Variants in FRMD6 observed in about 807,000 individuals in gnomAD.
The protein encoded by FRMD6 is FERM domain containing 6.
A neutral mutation model predicts 73.2 loss-of-function variants in FRMD6; 37 were observed. That is an observed-to-expected ratio of 0.51 (90% CI 0.39 to 0.66). The LOEUF (loss-of-function observed/expected upper bound fraction) is 0.66, where lower values mean the gene tolerates loss of function less well. Ranked by LOEUF, FRMD6 falls within the 30% of genes least tolerant of loss-of-function variation. FRMD6 has a pLI of 0.00. For missense variants in FRMD6, 714 were observed against 780.5 expected (o/e 0.91, Z 1.02); for synonymous variants, 273 against 282.2 (o/e 0.97, Z 0.33).
chr14:51,416,919 G>A, the FRMD6 span, among the ~76,000 whole-genome samples: 2 of 152,024 alleles, frequency 1.3e-5, no homozygotes, highest in African/African-American at 4.8e-5. Flanking sequence ...GGCCTTCTTT[G>A]TCTCTTTTGA....
chr14:51,633,371 G>A (rs1245845879), intron 2 of FRMD6, among the ~76,000 whole-genome samples: 2 of 151,276 alleles, frequency 1.3e-5, no homozygotes, highest in African/African-American at 4.9e-5. Flanking sequence ...GGAGGCCCAG[G>A]TGGGCAAATC....
At chr14:51,412,401 C>T in the FRMD6 span, among the ~76,000 whole-genome samples, 3 of 151,954 alleles carry the variant, frequency 2.0e-5, no homozygotes, top group Non-Finnish European at 4.4e-5. Context: ...GGAGACAGGT[C>T]TATGCCTTTC....
At chr14:51,688,134 T>C (rs1487064260) in intron 1 of FRMD6, among the ~76,000 whole-genome samples, 2 of 151,412 alleles carry the variant, frequency 1.3e-5, no homozygotes, top group Non-Finnish European at 2.9e-5. Context: ...TTTTTCAAGA[T>C]GGATGAGTAG....
chr14:51,618,173 T>G (rs1374923348), intron 2 of FRMD6, among the ~76,000 whole-genome samples: 1 of 152,170 alleles, frequency 6.6e-6, no homozygotes, highest in African/African-American at 2.4e-5. Flanking sequence ...ATTACTTGCC[T>G]TAGTCTGGGT....
Position 51,614,360 on chromosome 14 carries a change from C to T in FRMD6, c.-147+43950C>T, listed in dbSNP as rs10129946. Among the ~76,000 whole-genome samples the T allele has an allele frequency of 2.4e-3, 361 of 152,164 alleles. 4 individuals carry two copies. Among genetic ancestry groups the T allele is most frequent in the African/African-American group, 8.4e-3 (348 of 41,512 alleles). On this transcript the variant is annotated intron_variant, in intron 2 of 14. Transcript: ENST00000356218. ...TTCAATCTTACGAAACAAAGATTGT[C>T]TTTTTGTTTCATAATTCTACAGTGG...
chr14:51,708,779 T>C (rs1286602013), intron 7 of FRMD6, among the ~76,000 whole-genome samples: 1 of 152,110 alleles, frequency 6.6e-6, no homozygotes, highest in Non-Finnish European at 1.5e-5. Context: ...AAACTGAGGC[T>C]TAAAGAGATT....
intron 1 of FRMD6, among the ~76,000 whole-genome samples, chr14:51,685,366 A>G (rs1430950597): frequency 6.6e-6 from 1 of 152,200 alleles, no homozygotes; most frequent in Non-Finnish European, 1.5e-5. Flanking sequence ...CAACTCTATC[A>G]AGTACTCTGG....
chr14:51,664,654 T>C (rs1044752822), intron 1 of FRMD6, among the ~76,000 whole-genome samples: 13 of 152,372 alleles, frequency 8.5e-5, no homozygotes, highest in African/African-American at 3.1e-4. Flanking sequence ...GACTTTCCTT[T>C]GCAGTGGATT....
intron 2 of FRMD6, among the ~76,000 whole-genome samples, chr14:51,691,588 ATTTTTTT>A (rs758677611): frequency 1.3e-4 from 10 of 75,128 alleles, no homozygotes; most frequent in Middle Eastern, 9.1e-3. Context: ...TTTGATTTTG[ATTTTTTT>A]TTTTTTTTTT....
intron 1 of FRMD6, among the ~76,000 whole-genome samples, chr14:51,490,634 G>GTGTGTGTGTGTA (rs1173561944): frequency 2.0e-4 from 30 of 151,924 alleles, no homozygotes; most frequent in African/African-American, 7.0e-4. Flanking sequence ...GTGTGTGTGT[G>GTGTGTGTGTGTA]TATAAAATGC....
At chr14:51,430,422 C>G in the FRMD6 span, among the ~76,000 whole-genome samples, 617 of 152,282 alleles carry the variant, frequency 4.1e-3, 5 homozygotes, top group African/African-American at 0.014. Flanking sequence ...ATCTAACCCA[C>G]TGCTGTTAAC....
At chr14:51,711,738 A>G in intron 8 of FRMD6, 142 bp downstream of exon 8, 1 of 569,834 alleles carries the variant, frequency 1.8e-6, no homozygotes, top group Non-Finnish European at 3.2e-6. Flanking sequence ...ACAGATGTGG[A>G]TGATGTAGGA....
intron 7 of FRMD6, among the ~76,000 whole-genome samples, chr14:51,710,126 C>T (rs1208502701): frequency 6.6e-6 from 1 of 152,126 alleles, no homozygotes; most frequent in African/African-American, 2.4e-5. Context: ...CTGTGTAAAA[C>T]TTAATTTTCA....
chr14:51,467,355 A>G, the FRMD6 span, among the ~76,000 whole-genome samples: 1 of 152,216 alleles, frequency 6.6e-6, no homozygotes, highest in African/African-American at 2.4e-5. Flanking sequence ...GGAGTCTCCT[A>G]TGTCTACTTC....
intron 1 of FRMD6, among the ~76,000 whole-genome samples, chr14:51,532,889 T>C (rs1212945276): frequency 6.6e-6 from 1 of 152,238 alleles, no homozygotes; most frequent in African/African-American, 2.4e-5. Flanking sequence ...CCCCATTTTG[T>C]AAATCTTTGT....
the FRMD6 span, among the ~76,000 whole-genome samples, chr14:51,397,532 A>G: frequency 6.6e-6 from 1 of 152,188 alleles, no homozygotes; most frequent in Non-Finnish European, 1.5e-5. Context: ...GGAGAGAAAA[A>G]CAACTTTTAC....
At chr14:51,604,073 T>A (rs1185994909) in intron 2 of FRMD6, among the ~76,000 whole-genome samples, 3 of 152,106 alleles carry the variant, frequency 2.0e-5, no homozygotes, top group Non-Finnish European at 4.4e-5. Flanking sequence ...ATGGAGCAGT[T>A]CAGAAGAGCC....
intron 2 of FRMD6, among the ~76,000 whole-genome samples, chr14:51,636,800 G>A (rs991051870): frequency 6.6e-5 from 10 of 152,166 alleles, no homozygotes; most frequent in African/African-American, 1.7e-4. Context: ...GAGGGGTGAC[G>A]TGAGGGGAGA....
chr14:51,554,587 C>A (rs1239247999), intron 1 of FRMD6: 10 of 152,164 alleles, frequency 6.6e-5, no homozygotes, highest in African/African-American at 2.2e-4. Flanking sequence ...ACTTTCTCCC[C>A]AGAATCCATG....
Sources: gnomAD v4.1 joint callset for allele counts (sites outside exome capture counted in the v4.1 genomes callset) on GRCh38, gnomAD v4.1.1 for gene constraint, MANE v1.5 for transcripts, NCBI Gene and HGNC (gene_info 2026-07-23, HGNC 2026-07-21) for gene names.